OTUD7A: variants seen among roughly 807,000 people sequenced by gnomAD.
The protein encoded by OTUD7A is OTU domain-containing protein 7A.
In OTUD7A, 12 loss-of-function variants were observed where a neutral mutation model predicts 65.7. The observed-to-expected ratio is 0.18, with a 90% CI of 0.12 to 0.30. The LOEUF is 0.30. OTUD7A is among the 10% of genes least tolerant of loss of function. The probability of loss-of-function intolerance (pLI) is 1.00; values close to 1 mark genes in which losing one functional copy is unlikely to be tolerated. For missense variants in OTUD7A, 1,148 were observed against 1,304.8 expected, an observed-to-expected ratio of 0.88 and a Z score of 1.85; for synonymous variants, 641 against 586.3, an observed-to-expected ratio of 1.09 and a Z score of -1.35.
intron 5 of OTUD7A, among the ~76,000 whole-genome samples, chr15:31,555,640 C>A (rs962874021): frequency 6.6e-6 from 1 of 152,126 alleles, no homozygotes; most frequent in Non-Finnish European, 1.5e-5. Flanking sequence ...TTAGCACTGG[C>A]CGGCTGAGGG....
In OTUD7A at chr15:31,601,628, T is replaced by C. The variant is rs542105236; in HGVS notation, c.152-31431A>G. 4.0e-5 allele frequency among the ~76,000 whole-genome samples: 6 copies of C among 151,122 alleles called. No homozygotes were observed. The East Asian group carries it at 5.8e-4, about 15-fold the overall frequency. ...AAGATCAGAGCAGAACTGAAGGAGA[T>C]AGAGACACAAAAAACCCTTTAAAAA... On this transcript the variant is annotated intron_variant, in intron 3 of 12. Coordinates refer to ENST00000307050, the MANE Select transcript of OTUD7A (RefSeq NM_001382637.1).
At chr15:31,541,158 T>G (rs1322835065) in intron 5 of OTUD7A, among the ~76,000 whole-genome samples, 1 of 152,158 alleles carries the variant, frequency 6.6e-6, no homozygotes, top group Non-Finnish European at 1.5e-5. Context: ...TGTTAAATTT[T>G]TTTTTGCCTA....
At chr15:31,774,214 A>T (rs966133199) in intron 1 of OTUD7A, among the ~76,000 whole-genome samples, 1 of 152,212 alleles carries the variant, frequency 6.6e-6, no homozygotes, top group African/African-American at 2.4e-5. Flanking sequence ...ATGGGACAGC[A>T]GCAAATTCTG....
At chr15:31,514,389 A>G (rs1426018886) in intron 8 of OTUD7A, among the ~76,000 whole-genome samples, 1 of 152,084 alleles carries the variant, frequency 6.6e-6, no homozygotes, top group African/African-American at 2.4e-5. Flanking sequence ...TTCCTGGTGC[A>G]AAAAGATGGT....
At chr15:31,762,381 A>G (rs1002535349) in intron 1 of OTUD7A, among the ~76,000 whole-genome samples, 4 of 152,370 alleles carry the variant, frequency 2.6e-5, no homozygotes, top group Admixed American at 1.3e-4. Flanking sequence ...AAAGTCATAA[A>G]GTACAAGACA....
In OTUD7A at chr15:31,677,345, T is replaced by C. The variant is rs576771399; in HGVS notation, c.-99-20268A>G. On this transcript the variant is annotated intron_variant, in intron 1 of 12. Coordinates refer to ENST00000307050, the MANE Select transcript of OTUD7A (RefSeq NM_001382637.1). ...CTGAGATTTGTGGGGATGTTCATTT[T>C]AGCATTTAGCCAGCCCTAACTAATA... Among the ~76,000 whole-genome samples the C allele has an allele frequency of 4.0e-3, 613 of 152,288 alleles. 1 individual carries two copies. Among genetic ancestry groups the C allele is most frequent in the African/African-American group, 0.014 (587 of 41,560 alleles).
chr15:31,709,483 A>G (rs1308779259), intron 1 of OTUD7A, among the ~76,000 whole-genome samples: 1 of 152,208 alleles, frequency 6.6e-6, no homozygotes, highest in Non-Finnish European at 1.5e-5. Flanking sequence ...TGTCCTTACT[A>G]AAGTGCCCCC....
At chr15:31,855,075 T>C (rs921751900) in intron 1 of OTUD7A, among the ~76,000 whole-genome samples, 1 of 152,072 alleles carries the variant, frequency 6.6e-6, no homozygotes, top group African/African-American at 2.4e-5. Flanking sequence ...ATTAACATTC[T>C]TGAATTGTTA....
At chr15:31,581,042 T>C (rs2141184321) in intron 3 of OTUD7A, among the ~76,000 whole-genome samples, 1 of 152,286 alleles carries the variant, frequency 6.6e-6, no homozygotes, top group South Asian at 2.1e-4. Flanking sequence ...GCAAGTTGGT[T>C]ACTTCCGAGA....
At chr15:31,766,210 C>T (rs534869864) in intron 1 of OTUD7A, 37 of 1,525,924 alleles carry the variant, frequency 2.4e-5, no homozygotes, top group Admixed American at 1.7e-5. Context: ...ACTTCTTCAG[C>T]ACAGCATAAC....
intron 1 of OTUD7A, among the ~76,000 whole-genome samples, chr15:31,711,070 G>A (rs1270368656): frequency 1.5e-5 from 2 of 132,598 alleles, no homozygotes; most frequent in African/African-American, 2.7e-5. Flanking sequence ...GCCTGACTAG[G>A]AAAAAAAAAA....
chr15:31,819,744 ATAC>A (rs765659861), intron 1 of OTUD7A, among the ~76,000 whole-genome samples: 31 of 152,046 alleles, frequency 2.0e-4, no homozygotes, highest in African/African-American at 5.1e-4. Flanking sequence ...TAAACTAAAT[ATAC>A]TACATTATAT....
chr15:31,802,879 T>C (rs1017105332), intron 1 of OTUD7A, among the ~76,000 whole-genome samples: 1 of 152,184 alleles, frequency 6.6e-6, no homozygotes, highest in African/African-American at 2.4e-5. Context: ...TGAACCCCAA[T>C]TGAGTGTTGG....
chr15:31,743,913 T>C (rs1274104186), intron 1 of OTUD7A, among the ~76,000 whole-genome samples: 3 of 152,002 alleles, frequency 2.0e-5, no homozygotes, highest in African/African-American at 7.2e-5. Flanking sequence ...ATCATCAGCA[T>C]CACAGATGAA....
rs775856874 is a variant in OTUD7A, at chr15:31,794,929, C to A, written c.-100+75578G>T. On this transcript the variant is annotated intron_variant, in intron 1 of 12. Coordinates refer to ENST00000307050, the MANE Select transcript of OTUD7A (RefSeq NM_001382637.1). ...ATTTAGCTTAAGTAAAATAACAGGT[C>A]ATTTCCTTTGTTGTCCAGAGTTTAG... Among the ~76,000 whole-genome samples the A allele has an allele frequency of 6.6e-5, 10 of 152,188 alleles. 1 individual carries two copies. The highest frequency in any genetic ancestry group is 1.4e-4 in the African/African-American group (6 of 41,448).
chr15:31,486,701 G>C (rs1195671271), intron 12 of OTUD7A, among the ~76,000 whole-genome samples: 1 of 152,250 alleles, frequency 6.6e-6, no homozygotes, highest in Non-Finnish European at 1.5e-5. Flanking sequence ...TCTGGGAGGG[G>C]AGGAAGGGGG....
chr15:31,550,832 C>T (rs1008129395), intron 5 of OTUD7A, among the ~76,000 whole-genome samples: 5 of 152,160 alleles, frequency 3.3e-5, no homozygotes, highest in African/African-American at 7.2e-5. Flanking sequence ...TCCTGGGAGG[C>T]GTATCCTGGG....
rs1283081857 is a variant in OTUD7A at position 31,484,622 on chromosome 15, A to T, written c.1474T>A (p.Ser492Thr). The change falls in exon 13 of 13, where the codon TCT (serine) becomes ACT (threonine). Residue 492 changes from serine to threonine, a missense_variant. Ser to Thr is a moderately conservative substitution (Grantham distance 58, BLOSUM62 1). Transcript: ENST00000307050. This position sits in a 1 kb window ranked among gnomAD's most constrained non-coding sequence, Gnocchi z 4.5. ...DSDRDSVCSN[S>T]NSNNGKNGKD... Reference sequence around the variant, plus strand: ...CCGTTCTTGCCGTTATTGCTGTTAGAATTGCTGCACACCGAATCGCGGTCC... The same window carrying T: ...CCGTTCTTGCCGTTATTGCTGTTAGTATTGCTGCACACCGAATCGCGGTCC... The T allele has an allele frequency of 6.3e-7, 1 of 1,599,956 alleles. No individual in the cohort carries two copies. Among genetic ancestry groups the T allele is most frequent in the East Asian group, 2.3e-5 (1 of 44,438 alleles).
intron 1 of OTUD7A, among the ~76,000 whole-genome samples, chr15:31,780,997 CTT>C (rs1444463891): frequency 1.3e-5 from 2 of 152,316 alleles, no homozygotes; most frequent in East Asian, 1.9e-4. Flanking sequence ...ACATCGGCCT[CTT>C]GTTTAGTCAG....
Sources: allele counts gnomAD v4.1 joint callset (sites outside exome capture counted in the v4.1 genomes callset), GRCh38; gene constraint gnomAD v4.1.1; non-coding constraint Gnocchi (gnomAD v3.1); transcripts MANE v1.5; gene names NCBI Gene and HGNC (gene_info 2026-07-23, HGNC 2026-07-21).